Variants in MPPED2 observed in about 807,000 individuals in gnomAD.
The protein encoded by MPPED2 is metallophosphoesterase MPPED2.
Under a neutral mutation model 33.0 loss-of-function variants are expected in MPPED2, and 5 were observed. The ratio of observed to expected loss-of-function variants is 0.15; its 90% CI spans 0.08 to 0.32. MPPED2 has a LOEUF of 0.32. Among genes scored for constraint, MPPED2 ranks in the 10% least tolerant of loss-of-function variants. The pLI is 1.00. For synonymous variants in MPPED2, 136 were observed against 141.9 expected, an observed-to-expected ratio of 0.96 and a Z score of 0.29; for missense variants, 275 against 372.1, an observed-to-expected ratio of 0.74 and a Z score of 2.15.
intron 3 of MPPED2, among the ~76,000 whole-genome samples, chr11:30,518,927 C>T (rs1273411990): frequency 3.3e-5 from 5 of 152,108 alleles, no homozygotes; most frequent in African/African-American, 4.8e-5. Context: ...TATTAGTTTA[C>T]TCACTTTCAT....
chr11:30,481,434 C>T lies in MPPED2; in HGVS notation c.536+13862G>A, dbSNP rs143759541. On this transcript the variant is annotated intron_variant, in intron 4 of 6. Transcript: ENST00000358117. ...CCATCTGGTCCCGTTTAAAGCAAACCGAGCAGCCTGAACCACAGCCTGACA... is the reference window on the plus strand; with the variant it reads ...CCATCTGGTCCCGTTTAAAGCAAACTGAGCAGCCTGAACCACAGCCTGACA... Among the ~76,000 whole-genome samples, 949 of 152,202 alleles carry T rather than the reference C, an allele frequency of 6.2e-3. 5 individuals carry two copies. Among genetic ancestry groups the T allele is most frequent in the Middle Eastern group, 0.01 (3 of 294 alleles).
At chr11:30,565,121 CT>C (rs1956392330) in intron 2 of MPPED2, among the ~76,000 whole-genome samples, 1 of 152,176 alleles carries the variant, frequency 6.6e-6, no homozygotes, top group Non-Finnish European at 1.5e-5. Context: ...TGTGTCTCCC[CT>C]GTGCAGTCTT....
At chr11:30,449,546 A>G (rs1480535328) in intron 4 of MPPED2, among the ~76,000 whole-genome samples, 1 of 147,740 alleles carries the variant, frequency 6.8e-6, no homozygotes, top group Non-Finnish European at 1.5e-5. Context: ...GGAAGGCTGA[A>G]GTGGGAGGAC....
rs748659534 is a variant in MPPED2 at position 30,495,276 on chromosome 11, CTGTT to C, written c.536+16_536+19del. 4.5e-6 allele frequency: 7 copies of C among 1,556,890 alleles called. No homozygotes were observed. Among genetic ancestry groups the C allele is most frequent in the Non-Finnish European group, 3.5e-6 (4 of 1,128,288 alleles). On this transcript the variant is annotated intron_variant, in intron 4 of 6. Coordinates refer to ENST00000358117, the MANE Select transcript of MPPED2 (RefSeq NM_001584.3). ...CTGAGCTAAAAAGCAATGTGGAAAA[CTGTT>C]TGAATCATCACTTACCAAGGTGCAC...
At chr11:30,548,085 C>T (rs1955520794) in intron 2 of MPPED2, among the ~76,000 whole-genome samples, 1 of 152,206 alleles carries the variant, frequency 6.6e-6, no homozygotes, top group African/African-American at 2.4e-5. Context: ...ATGGCTTTCC[C>T]ACTACCTGGG....
At chr11:30,430,707 A>G (rs183405886) in intron 4 of MPPED2, among the ~76,000 whole-genome samples, 1 of 152,362 alleles carries the variant, frequency 6.6e-6, no homozygotes, top group East Asian at 1.9e-4. Context: ...ATTCTGCAGA[A>G]AAAAGAATGG....
intron 2 of MPPED2, among the ~76,000 whole-genome samples, chr11:30,579,069 A>G (rs1291297857): frequency 1.3e-5 from 2 of 148,440 alleles, no homozygotes; most frequent in Non-Finnish European, 3.0e-5. Context: ...AAATCTCATC[A>G]TAGGTAACTG....
chr11:30,576,429 C>T (rs1264510700), intron 2 of MPPED2, among the ~76,000 whole-genome samples: 1 of 152,116 alleles, frequency 6.6e-6, no homozygotes, highest in Admixed American at 6.6e-5. Context: ...TTTGAGTTCC[C>T]TAGTCGTCAA....
At chr11:30,550,879 A>G (rs752811927) in intron 2 of MPPED2, among the ~76,000 whole-genome samples, 3 of 152,174 alleles carry the variant, frequency 2.0e-5, no homozygotes, top group Non-Finnish European at 2.9e-5. Context: ...TGTTCTATGC[A>G]AACTGGACTT....
chr11:30,571,540 T>C (rs1197822265), intron 2 of MPPED2, among the ~76,000 whole-genome samples: 2 of 152,156 alleles, frequency 1.3e-5, no homozygotes, highest in African/African-American at 4.8e-5. Flanking sequence ...TTGCAGCAGT[T>C]TTGTCCATAC....
chr11:30,531,035 T>G (rs1402587494), intron 3 of MPPED2, among the ~76,000 whole-genome samples: 3 of 152,182 alleles, frequency 2.0e-5, no homozygotes, highest in African/African-American at 7.2e-5. Context: ...TGGTATGCAT[T>G]TTTGCTAAGA....
chr11:30,445,201 G>A (rs78587689), intron 4 of MPPED2, among the ~76,000 whole-genome samples: 2 of 106,066 alleles, frequency 1.9e-5, no homozygotes, highest in South Asian at 2.7e-4. Flanking sequence ...GAGACTCCCC[G>A]GGCTGAGGAA....
At chr11:30,471,357 G>A (rs1389814034) in intron 4 of MPPED2, among the ~76,000 whole-genome samples, 1 of 152,080 alleles carries the variant, frequency 6.6e-6, no homozygotes, top group Non-Finnish European at 1.5e-5. Flanking sequence ...CCTTTCCATG[G>A]TTCACCAAAA....
At chr11:30,389,868 CA>C (rs1947748976) in intron 6 of MPPED2, among the ~76,000 whole-genome samples, 1 of 152,114 alleles carries the variant, frequency 6.6e-6, no homozygotes, top group Non-Finnish European at 1.5e-5. Flanking sequence ...CATAACACAG[CA>C]ATAATTTGGG....
downstream of MPPED2, chr11:30,410,154 A>G (rs1159860505): frequency 3.0e-6 from 3 of 985,338 alleles, no homozygotes; most frequent in Non-Finnish European, 3.6e-6. Context: ...GATGTTGCAT[A>G]TGAATAAATC....
At chr11:30,518,677 C>T (rs545083716) in intron 3 of MPPED2, among the ~76,000 whole-genome samples, 3 of 152,240 alleles carry the variant, frequency 2.0e-5, no homozygotes, top group Middle Eastern at 3.4e-3. Flanking sequence ...TGGGTTCCTA[C>T]GTTAGCTGAC....
chr11:30,565,476 G>A lies in MPPED2; in HGVS notation c.128+14770C>T, dbSNP rs140225518. ...AGCCCTACAGGTACTTATCAAAGAC[G>A]TAGGTCCATCAGAGCCCCTTTACCT... On this transcript the variant is annotated intron_variant, in intron 2 of 6. Coordinates refer to ENST00000358117, the MANE Select transcript of MPPED2 (RefSeq NM_001584.3). 4.9e-4 allele frequency among the ~76,000 whole-genome samples: 74 copies of A among 152,164 alleles called. No individual in the cohort carries two copies. The East Asian group carries it at 0.013, about 27-fold the overall frequency.
chr11:30,561,598 C>T (rs1255704596), intron 2 of MPPED2, among the ~76,000 whole-genome samples: 1 of 152,194 alleles, frequency 6.6e-6, no homozygotes, highest in Non-Finnish European at 1.5e-5. Flanking sequence ...TGCAGCCTTA[C>T]TGATAGCTAG....
At chr11:30,528,191 T>TAATG in intron 3 of MPPED2, among the ~76,000 whole-genome samples, 1 of 152,172 alleles carries the variant, frequency 6.6e-6, no homozygotes, top group Non-Finnish European at 1.5e-5. Context: ...CACCAGCCAT[T>TAATG]AACAGTAGTT....
Sources: allele counts gnomAD v4.1 joint callset (sites outside exome capture counted in the v4.1 genomes callset), GRCh38; gene constraint gnomAD v4.1.1; transcripts MANE v1.5; gene names NCBI Gene and HGNC (gene_info 2026-07-23, HGNC 2026-07-21).